CTNNA3: variants seen among roughly 807,000 people sequenced by gnomAD.
CTNNA3 encodes catenin alpha 3.
CTNNA3 carries 76 observed loss-of-function variants against 95.7 expected under a neutral mutation model. The ratio of observed to expected loss-of-function variants is 0.79; its 90% CI spans 0.66 to 0.96. CTNNA3 has a LOEUF of 0.96. CTNNA3 is among the 40% of genes least tolerant of loss of function. The pLI, the probability that CTNNA3 is intolerant of heterozygous loss-of-function variation, is 0.00. For synonymous variants in CTNNA3, 431 were observed against 374.4 expected (o/e 1.15, Z -1.74); for missense variants, 1,191 against 1,089.8 (o/e 1.09, Z -1.31).
At chr10:66,722,175 A>G (rs1488338655) in intron 9 of CTNNA3, among the ~76,000 whole-genome samples, 2 of 152,028 alleles carry the variant, frequency 1.3e-5, no homozygotes, top group African/African-American at 4.8e-5. Context: ...TCAGGAGATC[A>G]AGACCATCAT....
chr10:67,008,196 T>C (rs901597356), intron 7 of CTNNA3, among the ~76,000 whole-genome samples: 6 of 152,112 alleles, frequency 3.9e-5, no homozygotes, highest in Admixed American at 6.6e-5. Context: ...CTTTAAAAAG[T>C]TGGGACCATT....
At chr10:67,494,777 T>G (rs1231862232) in intron 5 of CTNNA3, among the ~76,000 whole-genome samples, 1 of 152,216 alleles carries the variant, frequency 6.6e-6, no homozygotes, top group Non-Finnish European at 1.5e-5. Context: ...TGAGAATTAC[T>G]TCTTCTATGA....
At chr10:66,573,606 T>G (rs764849116) in intron 10 of CTNNA3, among the ~76,000 whole-genome samples, 8 of 152,156 alleles carry the variant, frequency 5.3e-5, no homozygotes, top group Admixed American at 2.0e-4. Flanking sequence ...CCTATTCATT[T>G]TTGCCTTCCC....
chr10:66,845,703 CAA>C (rs61085873), intron 7 of CTNNA3, among the ~76,000 whole-genome samples: 17 of 23,548 alleles, frequency 7.2e-4, no homozygotes, highest in Non-Finnish European at 9.9e-4. Flanking sequence ...AACTCTGTCT[CAA>C]AAAAAAAAAA....
chr10:65,970,805 G>A (rs2078081121), intron 16 of CTNNA3, among the ~76,000 whole-genome samples: 1 of 150,628 alleles, frequency 6.6e-6, no homozygotes. Flanking sequence ...ATAAAGGGTT[G>A]AATTCAACAA....
chr10:66,156,941 T>A (rs1341645206), intron 13 of CTNNA3, among the ~76,000 whole-genome samples: 1 of 151,954 alleles, frequency 6.6e-6, no homozygotes, highest in Non-Finnish European at 1.5e-5. Context: ...GCTGTCTTGT[T>A]GAGAACAGAC....
chr10:66,013,415 T>C (rs1439020874), intron 15 of CTNNA3, among the ~76,000 whole-genome samples: 1 of 152,216 alleles, frequency 6.6e-6, no homozygotes, highest in African/African-American at 2.4e-5. Context: ...ACCTGAACTA[T>C]GGCAAATTTT....
intron 7 of CTNNA3, among the ~76,000 whole-genome samples, chr10:67,179,487 A>T (rs1460609981): frequency 1.5e-5 from 2 of 137,642 alleles, no homozygotes; most frequent in African/African-American, 3.2e-5. Flanking sequence ...TCTGATAGCT[A>T]AAACTTCAAA....
rs117690465 is a variant in CTNNA3 at position 66,665,966 on chromosome 10, T to C, written c.1282-44182A>G. 4.4e-3 allele frequency among the ~76,000 whole-genome samples: 668 copies of C among 152,222 alleles called. 14 individuals are homozygous for C. In the East Asian group the frequency reaches 0.047, roughly 11 times the overall value. On this transcript the variant is annotated intron_variant, in intron 9 of 17. Coordinates refer to ENST00000433211, the MANE Select transcript of CTNNA3 (RefSeq NM_013266.4). ...TGAGCTGGTGGGGAAGGTTAGACAA[T>C]AGGAACGAAGTTTTCCTACTATAAA...
At chr10:67,081,579 C>T (rs79448097) in intron 7 of CTNNA3, among the ~76,000 whole-genome samples, 1 of 152,182 alleles carries the variant, frequency 6.6e-6, no homozygotes, top group African/African-American at 2.4e-5. Flanking sequence ...TATCTGACTT[C>T]AGGCTCTCAT....
intron 9 of CTNNA3, among the ~76,000 whole-genome samples, chr10:66,716,236 A>G (rs1848445939): frequency 6.6e-6 from 1 of 152,158 alleles, no homozygotes; most frequent in Non-Finnish European, 1.5e-5. Context: ...CAAATCTACC[A>G]ATGAAACATG....
chr10:67,729,709 T>C (rs561184474), intron 1 of CTNNA3, among the ~76,000 whole-genome samples: 15 of 152,260 alleles, frequency 9.9e-5, no homozygotes, highest in Admixed American at 9.8e-4. Flanking sequence ...GTTTATGTTC[T>C]ATGAAAAGAA....
At chr10:67,402,929 G>A (rs1844979249) in intron 5 of CTNNA3, among the ~76,000 whole-genome samples, 1 of 152,190 alleles carries the variant, frequency 6.6e-6, no homozygotes, top group South Asian at 2.1e-4. Flanking sequence ...CCAGGGAGCT[G>A]AACAGCGTCC....
intron 9 of CTNNA3, among the ~76,000 whole-genome samples, chr10:66,736,306 C>G (rs1379625537): frequency 6.6e-6 from 1 of 151,976 alleles, no homozygotes; most frequent in Non-Finnish European, 1.5e-5. Context: ...CTGCCTCAGC[C>G]TCCCGAGTAG....
chr10:67,460,609 T>G (rs901718278), intron 5 of CTNNA3, among the ~76,000 whole-genome samples: 7 of 152,204 alleles, frequency 4.6e-5, no homozygotes, highest in Non-Finnish European at 1.0e-4. Context: ...TACTTTTCTA[T>G]GATAGTAATC....
intron 9 of CTNNA3, among the ~76,000 whole-genome samples, chr10:66,726,840 T>C (rs1848797761): frequency 1.3e-5 from 2 of 152,064 alleles, no homozygotes; most frequent in South Asian, 2.1e-4. Flanking sequence ...ATTCTTCTTA[T>C]TGAAAAAAGC....
intron 9 of CTNNA3, among the ~76,000 whole-genome samples, chr10:66,702,148 AC>A (rs1847965235): frequency 6.6e-6 from 1 of 152,096 alleles, no homozygotes; most frequent in African/African-American, 2.4e-5. Flanking sequence ...TAAAAAAAAA[AC>A]AAATGTGTCC....
At chr10:66,223,428 T>C (rs555594041) in intron 13 of CTNNA3, among the ~76,000 whole-genome samples, 1 of 152,330 alleles carries the variant, frequency 6.6e-6, no homozygotes, top group African/African-American at 2.4e-5. Flanking sequence ...ATGTGTTTCT[T>C]TTTCTACTAC....
chr10:66,827,373 C>T (rs1178128481), intron 7 of CTNNA3, among the ~76,000 whole-genome samples: 2 of 152,158 alleles, frequency 1.3e-5, no homozygotes, highest in African/African-American at 2.4e-5. Context: ...TTCTCTCATG[C>T]CCTGCACAAT....
Sources: allele counts gnomAD v4.1 joint callset (sites outside exome capture counted in the v4.1 genomes callset), GRCh38; gene constraint gnomAD v4.1.1; transcripts MANE v1.5; gene names NCBI Gene and HGNC (gene_info 2026-07-23, HGNC 2026-07-21).